The following CATSPERT variants were observed in gnomAD, a reference collection of about 807,000 sequenced individuals.
The protein encoded by CATSPERT is cation channel sperm-associated targeting subunit tau.
At chr2:201,611,337 C>T in the CATSPERT span, among the ~76,000 whole-genome samples, 3 of 151,882 alleles carry the variant, frequency 2.0e-5, no homozygotes, top group East Asian at 1.9e-4. Flanking sequence ...TTCACAAAGA[C>T]GTGGAAATTA....
At chr2:201,618,909 C>G in the CATSPERT span, 1 of 1,613,602 alleles carries the variant, frequency 6.2e-7, no homozygotes, top group Non-Finnish European at 8.5e-7. Flanking sequence ...CGTTCAGCAG[C>G]CGGTGCCCGG....
chr2:201,582,587 T>C, the CATSPERT span, among the ~76,000 whole-genome samples: 1 of 152,116 alleles, frequency 6.6e-6, no homozygotes, highest in African/African-American at 2.4e-5. Flanking sequence ...AACTACCCAA[T>C]ACGAAATCCA....
At chr2:201,567,446 C>G in the CATSPERT span, among the ~76,000 whole-genome samples, 63,441 of 151,908 alleles carry the variant, frequency 0.42, 13,942 homozygotes, top group East Asian at 0.75. Flanking sequence ...GCTGAGAAGT[C>G]CCAAGATCTG....
chr2:201,593,385 G>A, the CATSPERT span, among the ~76,000 whole-genome samples: 1 of 151,830 alleles, frequency 6.6e-6, no homozygotes, highest in African/African-American at 2.4e-5. Context: ...ATTTGCTGAG[G>A]AGAGCTTTAC....
the CATSPERT span, among the ~76,000 whole-genome samples, chr2:201,613,330 CT>C: frequency 4.1e-4 from 62 of 152,298 alleles, 2 homozygotes; most frequent in African/African-American, 8.4e-4. Flanking sequence ...CCTCATACAA[CT>C]GGGTGCCCCT....
the CATSPERT span, among the ~76,000 whole-genome samples, chr2:201,502,666 TA>T: frequency 6.6e-6 from 1 of 152,114 alleles, no homozygotes; most frequent in African/African-American, 2.4e-5. Flanking sequence ...CCCCTCTGAG[TA>T]AAGGTTTCTC....
chr2:201,494,724 A>G, the CATSPERT span: 1 of 1,529,292 alleles, frequency 6.5e-7, no homozygotes, highest in Non-Finnish European at 8.7e-7. Flanking sequence ...TATTCCTTAG[A>G]AAAGGATCAA....
At chr2:201,591,554 G>C in the CATSPERT span, among the ~76,000 whole-genome samples, 6 of 152,036 alleles carry the variant, frequency 3.9e-5, no homozygotes, top group Non-Finnish European at 7.4e-5. Flanking sequence ...GGATGGCATT[G>C]AATCTGTAAA....
At chr2:201,612,842 A>G in the CATSPERT span, among the ~76,000 whole-genome samples, 1 of 151,972 alleles carries the variant, frequency 6.6e-6, no homozygotes, top group South Asian at 2.1e-4. Context: ...AAATCGGGAC[A>G]CTCCCACCCT....
the CATSPERT span, chr2:201,491,700 T>C: frequency 2.6e-6 from 4 of 1,537,096 alleles, no homozygotes; most frequent in Non-Finnish European, 3.5e-6. Flanking sequence ...ACGATGTTAA[T>C]ACTGCTTCAG....
At chr2:201,582,812 C>A in the CATSPERT span, among the ~76,000 whole-genome samples, 1 of 152,170 alleles carries the variant, frequency 6.6e-6, no homozygotes, top group East Asian at 1.9e-4. Context: ...AAAAGTCATG[C>A]CTCCCCACTC....
At chr2:201,613,703 T>C in the CATSPERT span, among the ~76,000 whole-genome samples, 4 of 152,168 alleles carry the variant, frequency 2.6e-5, no homozygotes, top group Non-Finnish European at 5.9e-5. Flanking sequence ...GGACAGAGAA[T>C]GAATTTGACG....
At chr2:201,487,993 A>C in the CATSPERT span, 1 of 1,022,474 alleles carries the variant, frequency 9.8e-7, no homozygotes. Flanking sequence ...GGATGGTCAA[A>C]AGAAAAAAGA....
the CATSPERT span, among the ~76,000 whole-genome samples, chr2:201,565,035 T>C: frequency 3.4e-3 from 507 of 151,218 alleles, no homozygotes; most frequent in Middle Eastern, 6.8e-3. Context: ...AAAGAGCCTG[T>C]GAACTAGAAT....
chr2:201,569,250 T>A, the CATSPERT span, among the ~76,000 whole-genome samples: 1 of 152,232 alleles, frequency 6.6e-6, no homozygotes, highest in South Asian at 2.1e-4. Context: ...AGTCTGGGAA[T>A]TGATTGAGAG....
the CATSPERT span, among the ~76,000 whole-genome samples, chr2:201,506,170 G>A: frequency 6.6e-6 from 1 of 152,190 alleles, no homozygotes; most frequent in South Asian, 2.1e-4. Context: ...GGGAGGCTGA[G>A]GCAGGAGAAT....
chr2:201,526,112 C>T, the CATSPERT span, among the ~76,000 whole-genome samples: 1 of 152,134 alleles, frequency 6.6e-6, no homozygotes, highest in African/African-American at 2.4e-5. Context: ...TTAACTCACT[C>T]TAAGAGGCCA....
At chr2:201,527,030 G>C in the CATSPERT span, among the ~76,000 whole-genome samples, 6 of 152,090 alleles carry the variant, frequency 3.9e-5, no homozygotes, top group Admixed American at 6.6e-5. Context: ...CTGCCCAAAG[G>C]CTTCTAGATC....
the CATSPERT span, among the ~76,000 whole-genome samples, chr2:201,547,230 G>T: frequency 0.48 from 72,279 of 151,808 alleles, 17,634 homozygotes; most frequent in East Asian, 0.75. Context: ...ACTCAGTGAA[G>T]ATACTAAATG....
Sources: gnomAD v4.1 joint callset for allele counts (sites outside exome capture counted in the v4.1 genomes callset) on GRCh38, gnomAD v4.1.1 for gene constraint, MANE v1.5 for transcripts, NCBI Gene and HGNC (gene_info 2026-07-23, HGNC 2026-07-21) for gene names.